Variants in SNAP91 observed in about 807,000 individuals in gnomAD.
The protein encoded by SNAP91 is synaptosome associated protein 91, also known as clathrin coat assembly protein AP180.
A neutral mutation model predicts 100.3 loss-of-function variants in SNAP91; 27 were observed. That is an observed-to-expected ratio of 0.27 (90% CI 0.20 to 0.37). SNAP91 has a LOEUF of 0.37. SNAP91 is among the 10% of genes least tolerant of loss of function. SNAP91 has a pLI of 1.00. For missense variants in SNAP91, 986 were observed against 1,123.7 expected (o/e 0.88, Z 1.75); for synonymous variants, 404 against 398.6 (o/e 1.01, Z -0.16).
At chr6:83,706,392 G>A (rs947346177) in intron 2 of SNAP91, among the ~76,000 whole-genome samples, 2 of 152,184 alleles carry the variant, frequency 1.3e-5, no homozygotes, top group African/African-American at 2.4e-5. Context: ...ACTTCTCTTA[G>A]GTGCCCTGGC....
Position 83,601,381 on chromosome 6 carries a change from G to A in SNAP91, c.1214C>T (p.Ala405Val). 6 of 1,613,596 alleles carry A rather than the reference G, an allele frequency of 3.7e-6. No individual in the cohort carries two copies. The highest frequency in any genetic ancestry group is 5.1e-6 in the Non-Finnish European group (6 of 1,179,768). The change falls in exon 16 of 30, where the codon GCA (alanine) becomes GTA (valine). Residue 405 changes from alanine (A) to valine (V), a missense_variant. By Grantham distance (64) the Ala-to-Val change is moderately conservative (BLOSUM62 0). Transcript: ENST00000369694. ...PSEAQISDPF[A>V]PEPTPPTTTA... ...TGTAGTAGGAGGGGTAGGTTCTGGTGCAAATGGATCTGAAATCTGTGCTTC... is the reference window on the plus strand; with the variant it reads ...TGTAGTAGGAGGGGTAGGTTCTGGTACAAATGGATCTGAAATCTGTGCTTC...
At chr6:83,674,842 G>C in intron 2 of SNAP91, among the ~76,000 whole-genome samples, 1 of 152,156 alleles carries the variant, frequency 6.6e-6, no homozygotes, top group East Asian at 1.9e-4. Flanking sequence ...TAGAAGTTCT[G>C]AGGTAACATG....
At chr6:83,680,258 A>G (rs1250508166) in intron 2 of SNAP91, among the ~76,000 whole-genome samples, 1 of 152,178 alleles carries the variant, frequency 6.6e-6, no homozygotes, top group African/African-American at 2.4e-5. Flanking sequence ...TAGTAGACAC[A>G]TCAATTATTC....
intron 22 of SNAP91, among the ~76,000 whole-genome samples, chr6:83,582,980 CAA>C (rs1227309662): frequency 6.6e-6 from 1 of 152,168 alleles, no homozygotes; most frequent in Non-Finnish European, 1.5e-5. Context: ...AAAATGTTGA[CAA>C]AGTTACTTCT....
chr6:83,683,840 G>T (rs1244312738), intron 2 of SNAP91, among the ~76,000 whole-genome samples: 7 of 152,006 alleles, frequency 4.6e-5, no homozygotes, highest in Non-Finnish European at 1.0e-4. Context: ...ATCCACAAAG[G>T]CCCCTTGGCT....
chr6:83,643,030 T>C (rs184758135), intron 7 of SNAP91, among the ~76,000 whole-genome samples: 4 of 151,906 alleles, frequency 2.6e-5, no homozygotes, highest in Admixed American at 1.3e-4. Flanking sequence ...CACTTTTTGA[T>C]GGTGTTTTTG....
chr6:83,682,821 CTT>C (rs544106858), intron 2 of SNAP91, among the ~76,000 whole-genome samples: 1 of 147,150 alleles, frequency 6.8e-6, no homozygotes. Context: ...TTAAATTAGC[CTT>C]TTTTTTTGAG....
At chr6:83,704,550 CATTTT>C (rs2099355545) in intron 2 of SNAP91, among the ~76,000 whole-genome samples, 1 of 152,040 alleles carries the variant, frequency 6.6e-6, no homozygotes, top group Admixed American at 6.6e-5. Flanking sequence ...CTTTAAGAAT[CATTTT>C]ATAAGTCACC....
chr6:83,618,442 A>T (rs1261456361), intron 9 of SNAP91, among the ~76,000 whole-genome samples: 1 of 151,872 alleles, frequency 6.6e-6, no homozygotes, highest in Non-Finnish European at 1.5e-5. Context: ...TTTAAAATAC[A>T]ACTCAGATGA....
Position 83,556,197 on chromosome 6 carries a change from C to T in SNAP91, c.2680G>A (p.Ala894Thr), listed in dbSNP as rs1277108557. The change falls in exon 29 of 30, where the codon GCA becomes ACA. Residue 894 changes from alanine (A) to threonine (T), a missense_variant. Physicochemically the swap from Ala to Thr is moderately conservative, Grantham distance 58. Transcript: ENST00000369694. ...TTAAGATCCGCTAATGGGTCCTTTG[C>T]TGGAGGTTTCTTGGGACTCTGACTG... ...PASQSPKKPP[A>T]KDPLADLNIK... 6.3e-7 allele frequency: 1 copy of T among 1,575,294 alleles called. No individual in the cohort carries two copies. Among genetic ancestry groups the T allele is most frequent in the Admixed American group, 1.9e-5 (1 of 53,872 alleles).
intron 2 of SNAP91, among the ~76,000 whole-genome samples, chr6:83,696,701 TC>T (rs1383670955): frequency 6.6e-6 from 1 of 152,198 alleles, no homozygotes; most frequent in Non-Finnish European, 1.5e-5. Flanking sequence ...AAACATCTCT[TC>T]CTCTGCAAAG....
intron 13 of SNAP91, among the ~76,000 whole-genome samples, chr6:83,606,605 C>T (rs1187838975): frequency 6.6e-6 from 1 of 152,220 alleles, no homozygotes; most frequent in African/African-American, 2.4e-5. Flanking sequence ...TTGAGGAGCA[C>T]TGGCTTAAAA....
chr6:83,593,072 A>T, intron 19 of SNAP91, 55 bp from the exon 20 acceptor site: 1 of 1,536,842 alleles, frequency 6.5e-7, no homozygotes, highest in Non-Finnish European at 8.8e-7. Context: ...AGAAAGCTGA[A>T]ATCAAAGTCA....
intron 8 of SNAP91, among the ~76,000 whole-genome samples, chr6:83,631,237 T>C (rs1475820781): frequency 6.6e-6 from 1 of 152,160 alleles, no homozygotes; most frequent in African/African-American, 2.4e-5. Flanking sequence ...CTTAAATTTA[T>C]TGAGGGTCAT....
At chr6:83,669,663 C>T (rs950903289) in intron 2 of SNAP91, among the ~76,000 whole-genome samples, 2 of 151,964 alleles carry the variant, frequency 1.3e-5, no homozygotes. Context: ...CTCCTGCTGT[C>T]CCTTAGCAAC....
chr6:83,607,126 G>T, intron 13 of SNAP91, among the ~76,000 whole-genome samples: 1 of 152,236 alleles, frequency 6.6e-6, no homozygotes, highest in East Asian at 1.9e-4. Flanking sequence ...TTTATTATTT[G>T]AGGACACACC....
chr6:83,679,132 A>G (rs1279764693), intron 2 of SNAP91, among the ~76,000 whole-genome samples: 1 of 152,152 alleles, frequency 6.6e-6, no homozygotes, highest in East Asian at 1.9e-4. Context: ...TTCCCATTGT[A>G]TTAGGTATTA....
intron 16 of SNAP91, among the ~76,000 whole-genome samples, chr6:83,595,998 T>C (rs1333872810): frequency 6.6e-6 from 1 of 152,218 alleles, no homozygotes; most frequent in Non-Finnish European, 1.5e-5. Flanking sequence ...GTTATTCATA[T>C]CTTATGGATT....
chr6:83,591,994 T>C (rs1413076410), intron 21 of SNAP91, among the ~76,000 whole-genome samples: 2 of 152,248 alleles, frequency 1.3e-5, no homozygotes, highest in Non-Finnish European at 2.9e-5. Flanking sequence ...CAAAACATTA[T>C]AAATAAACCT....
Sources: gnomAD v4.1 joint callset for allele counts (sites outside exome capture counted in the v4.1 genomes callset) on GRCh38, gnomAD v4.1.1 for gene constraint, MANE v1.5 for transcripts, NCBI Gene and HGNC (gene_info 2026-07-23, HGNC 2026-07-21) for gene names.